The following FAM184B variants were observed in gnomAD, a reference collection of about 807,000 sequenced individuals.
FAM184B encodes protein FAM184B.
A neutral mutation model predicts 135.9 loss-of-function variants in FAM184B; 111 were observed. That is an observed-to-expected ratio of 0.82 (90% CI 0.70 to 0.96). The LOEUF is 0.96. Among genes scored for constraint, FAM184B ranks in the 40% least tolerant of loss-of-function variants. The pLI is 0.00. For missense variants in FAM184B, 1,375 were observed against 1,323.9 expected (o/e 1.04, Z -0.60); for synonymous variants, 552 against 524.8 (o/e 1.05, Z -0.71).
At chr4:17,759,006 G>A (rs1319377921) in intron 1 of FAM184B, among the ~76,000 whole-genome samples, 3 of 152,208 alleles carry the variant, frequency 2.0e-5, no homozygotes, top group Non-Finnish European at 4.4e-5. Flanking sequence ...GTTAAATCCA[G>A]TTTATCTTTT....
chr4:17,704,062 T>A (rs1477650255), intron 5 of FAM184B, among the ~76,000 whole-genome samples: 2 of 152,204 alleles, frequency 1.3e-5, no homozygotes, highest in African/African-American at 2.4e-5. Context: ...CACCAGTTCA[T>A]TTAACACATA....
At chr4:17,761,737 T>A (rs1448050515) in intron 1 of FAM184B, among the ~76,000 whole-genome samples, 1 of 152,158 alleles carries the variant, frequency 6.6e-6, no homozygotes, top group Non-Finnish European at 1.5e-5. Context: ...ATCAGGCTGG[T>A]CTCGAACTCC....
At chr4:17,762,628 T>A (rs1051891365) in intron 1 of FAM184B, among the ~76,000 whole-genome samples, 2 of 152,182 alleles carry the variant, frequency 1.3e-5, no homozygotes, top group African/African-American at 4.8e-5. Context: ...AAGCCCATTA[T>A]CAATAGGATG....
chr4:17,683,570 T>C (rs1716497489), intron 7 of FAM184B, among the ~76,000 whole-genome samples: 1 of 152,176 alleles, frequency 6.6e-6, no homozygotes, highest in Non-Finnish European at 1.5e-5. Flanking sequence ...TATACTATAT[T>C]ATATCCCTCT....
At chr4:17,669,821 C>A (rs191474205) in intron 7 of FAM184B, among the ~76,000 whole-genome samples, 2 of 152,088 alleles carry the variant, frequency 1.3e-5, no homozygotes, top group Admixed American at 6.5e-5. Context: ...GAGGAAGATT[C>A]GAACAAGATC....
chr4:17,649,783 T>TC (rs1421875467), intron 11 of FAM184B, among the ~76,000 whole-genome samples: 1 of 152,042 alleles, frequency 6.6e-6, no homozygotes, highest in Admixed American at 6.6e-5. Flanking sequence ...TCTCATACCT[T>TC]CCCACCATTC....
chr4:17,751,975 A>G (rs887736947), intron 1 of FAM184B, among the ~76,000 whole-genome samples: 1 of 151,878 alleles, frequency 6.6e-6, no homozygotes, highest in Non-Finnish European at 1.5e-5. Flanking sequence ...GATCAGGAAA[A>G]AAAAAAAAAA....
intron 1 of FAM184B, among the ~76,000 whole-genome samples, chr4:17,766,456 C>G (rs1560196776): frequency 2.0e-5 from 3 of 152,084 alleles, no homozygotes; most frequent in Admixed American, 6.5e-5. Context: ...AAGCTAGATA[C>G]AGAGTGCTGA....
At chr4:17,760,364 T>C (rs1718517898) in intron 1 of FAM184B, among the ~76,000 whole-genome samples, 1 of 151,742 alleles carries the variant, frequency 6.6e-6, no homozygotes, top group Non-Finnish European at 1.5e-5. Flanking sequence ...CTCAGGTTGC[T>C]GAGGCAGGAG....
At chr4:17,771,912 G>A (rs1270400741) in intron 1 of FAM184B, among the ~76,000 whole-genome samples, 1 of 152,172 alleles carries the variant, frequency 6.6e-6, no homozygotes, top group East Asian at 1.9e-4. Flanking sequence ...CCTTATATTG[G>A]TAAAGCCTCA....
At chr4:17,675,897 A>G (rs1170895836) in intron 7 of FAM184B, among the ~76,000 whole-genome samples, 1 of 151,862 alleles carries the variant, frequency 6.6e-6, no homozygotes, top group Non-Finnish European at 1.5e-5. Flanking sequence ...AGGTTAAGGG[A>G]ATGTTGTGGC....
intron 1 of FAM184B, among the ~76,000 whole-genome samples, chr4:17,741,238 G>A (rs1366297579): frequency 6.6e-6 from 1 of 152,194 alleles, no homozygotes; most frequent in African/African-American, 2.4e-5. Flanking sequence ...CTCAAAGAAA[G>A]AATAAAGCAA....
chr4:17,698,077 G>GAA (rs886442153), intron 5 of FAM184B, among the ~76,000 whole-genome samples: 5 of 136,776 alleles, frequency 3.7e-5, no homozygotes, highest in Non-Finnish European at 7.9e-5. Context: ...CAGGTAAAGA[G>GAA]AAAAAAAAAA....
intron 15 of FAM184B, 33 bp from the exon 16 acceptor site, chr4:17,635,146 C>T: frequency 1.3e-6 from 2 of 1,491,344 alleles, no homozygotes; most frequent in Non-Finnish European, 1.8e-6. Context: ...TCTAAATGAG[C>T]CTAACCACAC....
At chr4:17,638,407 G>C (rs973042838) in intron 14 of FAM184B, among the ~76,000 whole-genome samples, 4 of 151,744 alleles carry the variant, frequency 2.6e-5, no homozygotes, top group African/African-American at 9.7e-5. Context: ...TGCCCAGGCT[G>C]GTCTCGAACT....
At chr4:17,739,426 C>T (rs1233874390) in intron 1 of FAM184B, among the ~76,000 whole-genome samples, 3 of 152,042 alleles carry the variant, frequency 2.0e-5, no homozygotes, top group African/African-American at 7.2e-5. Flanking sequence ...GTTCATTATT[C>T]GAGGTTCCTG....
At chr4:17,685,985 T>C (rs1716577889) in intron 7 of FAM184B, among the ~76,000 whole-genome samples, 1 of 152,184 alleles carries the variant, frequency 6.6e-6, no homozygotes, top group Admixed American at 6.5e-5. Flanking sequence ...CTTCCTGAAC[T>C]GCATTTTTTT....
chr4:17,646,280 G>T (rs182125157), intron 12 of FAM184B, among the ~76,000 whole-genome samples: 5 of 151,176 alleles, frequency 3.3e-5, no homozygotes, highest in Non-Finnish European at 7.4e-5. Flanking sequence ...ACATGCACAC[G>T]TATGTTTACT....
chr4:17,635,705 T>C (rs1023231794), intron 15 of FAM184B, among the ~76,000 whole-genome samples: 1 of 151,592 alleles, frequency 6.6e-6, no homozygotes, highest in Non-Finnish European at 1.5e-5. Context: ...ATACCTTTGT[T>C]CACACGTAGC....
Sources: gnomAD v4.1 joint callset for allele counts (sites outside exome capture counted in the v4.1 genomes callset) on GRCh38, gnomAD v4.1.1 for gene constraint, MANE v1.5 for transcripts, NCBI Gene and HGNC (gene_info 2026-07-23, HGNC 2026-07-21) for gene names.